DPY19L4: variants seen among roughly 807,000 people sequenced by gnomAD.
The protein encoded by DPY19L4 is dpy-19 like 4, also known as probable C-mannosyltransferase DPY19L4.
In DPY19L4, 97 loss-of-function variants were observed where a neutral mutation model predicts 102.8. The ratio of observed to expected loss-of-function variants is 0.94; its 90% CI spans 0.80 to 1.12. DPY19L4 has a LOEUF of 1.12. Ranked by LOEUF, DPY19L4 falls within the 50% of genes most tolerant of loss-of-function variation. DPY19L4 has a pLI of 0.00. For missense variants in DPY19L4, 815 were observed against 850.4 expected (o/e 0.96, Z 0.52); for synonymous variants, 252 against 283.1 (o/e 0.89, Z 1.10).
chr8:94,731,675 C>T (rs1328740780), intron 2 of DPY19L4, among the ~76,000 whole-genome samples: 3 of 152,184 alleles, frequency 2.0e-5, no homozygotes, highest in East Asian at 3.8e-4. Flanking sequence ...CTCAGTCTCC[C>T]AAAAAGCTGG....
At chr8:94,765,061 T>C in intron 8 of DPY19L4, 122 bp from the exon 9 acceptor site, 1 of 769,458 alleles carries the variant, frequency 1.3e-6, no homozygotes, top group Admixed American at 3.6e-5. Flanking sequence ...ATTTGCATAA[T>C]ACTTTCCTAA....
intron 7 of DPY19L4, among the ~76,000 whole-genome samples, chr8:94,761,260 A>G (rs1812383505): frequency 6.6e-6 from 1 of 152,186 alleles, no homozygotes; most frequent in Non-Finnish European, 1.5e-5. Flanking sequence ...AAAGGGAAAA[A>G]TAGGAAATTA....
intron 6 of DPY19L4, among the ~76,000 whole-genome samples, chr8:94,748,779 TGC>T (rs1811790063): frequency 6.6e-6 from 1 of 152,186 alleles, no homozygotes; most frequent in South Asian, 2.1e-4. Flanking sequence ...TATTGTGAAC[TGC>T]GCATTTGAGG....
At chr8:94,758,547 C>T (rs932703845) in intron 7 of DPY19L4, among the ~76,000 whole-genome samples, 1 of 152,134 alleles carries the variant, frequency 6.6e-6, no homozygotes, top group Non-Finnish European at 1.5e-5. Context: ...CCTCTGGCAA[C>T]CACTGATCTA....
At position 94,768,486 on chromosome 8, in the gene DPY19L4, C is replaced by T; in HGVS notation, c.1267C>T (p.Pro423Ser). 6.3e-7 allele frequency: 1 copy of T among 1,595,450 alleles called. No homozygotes were observed. Among genetic ancestry groups the T allele is most frequent in the Non-Finnish European group, 8.6e-7 (1 of 1,166,216 alleles). ...GCGATTGACACAGTCTTCTTTATTA[C>T]CTTTCTACATTCTAGTGTTAATTAT... ...FLRLTQSSLLPFYILVLIICF... is the reference protein window; with the variant it reads ...FLRLTQSSLLSFYILVLIICF... Residue 423 changes from proline (P) to serine (S), a missense_variant, in exon 12 of 19, where the codon CCT becomes TCT. Coordinates refer to ENST00000414645, the MANE Select transcript of DPY19L4 (RefSeq NM_181787.3).
chr8:94,783,601 T>G, intron 16 of DPY19L4, 69 bp from the exon 17 acceptor site: 1 of 1,518,494 alleles, frequency 6.6e-7, no homozygotes, highest in South Asian at 1.3e-5. Context: ...ATTTCAGAGT[T>G]GATATAGATC....
intron 1 of DPY19L4, among the ~76,000 whole-genome samples, chr8:94,726,064 T>C (rs2130784782): frequency 6.6e-6 from 1 of 152,326 alleles, no homozygotes; most frequent in South Asian, 2.1e-4. Context: ...TTTGGGATGT[T>C]TTGAAAATTC....
chr8:94,791,881 A>G lies in DPY19L4; in HGVS notation c.*1971A>G, dbSNP rs1204991065. 6.6e-6 allele frequency: 1 copy of G among 152,220 alleles called. No homozygotes were observed. Among genetic ancestry groups the G allele is most frequent in the African/African-American group, 2.4e-5 (1 of 41,460 alleles). 9.4% of individuals were successfully genotyped at this position (152,220 alleles called of 1,614,324 possible). On this transcript the variant is annotated 3_prime_UTR_variant, in exon 19 of 19. Transcript: ENST00000414645. ...TTAAATAATGAATTTTTCATCCAGC[A>G]TCAGTTGAAAAGGAAAAGAAAGCTT...
chr8:94,736,821 G>C (rs1345399210), intron 3 of DPY19L4, among the ~76,000 whole-genome samples: 1 of 152,202 alleles, frequency 6.6e-6, no homozygotes, highest in East Asian at 1.9e-4. Context: ...AACAGTAATA[G>C]AAAATATGAC....
intron 6 of DPY19L4, among the ~76,000 whole-genome samples, chr8:94,749,875 G>A (rs990845610): frequency 7.9e-5 from 12 of 152,118 alleles, no homozygotes; most frequent in African/African-American, 1.2e-4. Context: ...CTTATTGCAC[G>A]TACATTAAGA....
intron 6 of DPY19L4, 86 bp from the exon 7 acceptor site, chr8:94,755,950 G>C (rs779172302): frequency 5.2e-6 from 7 of 1,353,908 alleles, no homozygotes; most frequent in Non-Finnish European, 6.0e-6. Flanking sequence ...GGAGAACAAT[G>C]AGATTTGTGT....
chr8:94,747,016 T>G (rs1811704155), intron 6 of DPY19L4, among the ~76,000 whole-genome samples: 1 of 152,044 alleles, frequency 6.6e-6, no homozygotes, highest in Admixed American at 6.6e-5. Flanking sequence ...ACAAACAATT[T>G]TTTTTTTTAC....
chr8:94,742,919 G>A (rs1023454000), intron 6 of DPY19L4, among the ~76,000 whole-genome samples: 1 of 151,938 alleles, frequency 6.6e-6, no homozygotes, highest in Non-Finnish European at 1.5e-5. Flanking sequence ...TGCCTAGGGT[G>A]GTCTCAAACT....
intron 12 of DPY19L4, 60 bp from the exon 13 acceptor site, chr8:94,770,392 A>T: frequency 6.7e-7 from 1 of 1,502,628 alleles, no homozygotes; most frequent in Non-Finnish European, 8.9e-7. Context: ...TAAACAATGT[A>T]TCTTTGGTTT....
rs1316677724 is a variant in DPY19L4, at chr8:94,793,005, A to G, written c.*3095A>G. 6.6e-6 allele frequency: 1 copy of G among 152,204 alleles called. No homozygotes were observed. The highest frequency in any genetic ancestry group is 1.9e-4 in the East Asian group (1 of 5,198). 9.4% of individuals were successfully genotyped at this position (152,204 alleles called of 1,614,324 possible). On this transcript the variant is annotated 3_prime_UTR_variant, in exon 19 of 19. Coordinates refer to ENST00000414645, the MANE Select transcript of DPY19L4 (RefSeq NM_181787.3). Reference sequence around the variant, plus strand: ...GCTTTGTATTTTTTCTGACTTTGGCATCTGTATCTTGGTGCTTTCTGTTAG... The same window carrying G: ...GCTTTGTATTTTTTCTGACTTTGGCGTCTGTATCTTGGTGCTTTCTGTTAG...
At chr8:94,766,434 A>T (rs1281414674) in intron 10 of DPY19L4, among the ~76,000 whole-genome samples, 178 bp from the exon 11 acceptor site, 1 of 152,260 alleles carries the variant, frequency 6.6e-6, no homozygotes, top group Non-Finnish European at 1.5e-5. Flanking sequence ...CTTCAGCATA[A>T]GGTCATGGGA....
Position 94,724,892 on chromosome 8 carries a change from A to AG in DPY19L4, c.17-1439_17-1438insG, listed in dbSNP as rs1810622569. ...TGTGAGCCACCATACCCGGCCTAAT[A>AG]ATGTCATTTTAAAATATTTTCATTG... On this transcript the variant is annotated intron_variant, in intron 1 of 18. Transcript: ENST00000414645. Among the ~76,000 whole-genome samples, 10 of 152,198 alleles carry AG rather than the reference A, an allele frequency of 6.6e-5. No homozygotes were observed. The South Asian group carries it at 2.1e-3, about 32-fold the overall frequency.
At chr8:94,744,089 C>T (rs574344421) in intron 6 of DPY19L4, among the ~76,000 whole-genome samples, 1 of 152,316 alleles carries the variant, frequency 6.6e-6, no homozygotes, top group South Asian at 2.1e-4. Flanking sequence ...CGAAATTTAA[C>T]AGCTTAAAAC....
intron 2 of DPY19L4, among the ~76,000 whole-genome samples, chr8:94,733,723 G>A (rs987939863): frequency 4.0e-5 from 6 of 151,144 alleles, no homozygotes; most frequent in African/African-American, 1.5e-4. Flanking sequence ...TGTATTTTTA[G>A]TACAGACAGG....
Sources: allele counts gnomAD v4.1 joint callset (sites outside exome capture counted in the v4.1 genomes callset), GRCh38; gene constraint gnomAD v4.1.1; transcripts MANE v1.5; gene names NCBI Gene and HGNC (gene_info 2026-07-23, HGNC 2026-07-21).